Variants in SNTB1 observed in about 807,000 individuals in gnomAD.
SNTB1 encodes the protein syntrophin beta 1.
A neutral mutation model predicts 48.9 loss-of-function variants in SNTB1; 36 were observed. The observed-to-expected ratio is 0.74, with a 90% CI of 0.56 to 0.97. The LOEUF (loss-of-function observed/expected upper bound fraction) is 0.97, where lower values mean the gene tolerates loss of function less well. Among genes scored for constraint, SNTB1 ranks in the 50% least tolerant of loss-of-function variants. The pLI, the probability that SNTB1 is intolerant of heterozygous loss-of-function variation, is 0.00. For missense variants in SNTB1, 786 were observed against 703.4 expected, an observed-to-expected ratio of 1.12 and a Z score of -1.33; for synonymous variants, 299 against 294.6, an observed-to-expected ratio of 1.01 and a Z score of -0.15.
At chr8:120,557,352 A>G (rs1316318896) in intron 4 of SNTB1, among the ~76,000 whole-genome samples, 1 of 152,188 alleles carries the variant, frequency 6.6e-6, no homozygotes, top group Non-Finnish European at 1.5e-5. Flanking sequence ...AGAAAACCAT[A>G]CTTGGAGCAG....
intron 1 of SNTB1, among the ~76,000 whole-genome samples, chr8:120,760,020 G>T (rs1483952262): frequency 6.6e-6 from 1 of 152,152 alleles, no homozygotes; most frequent in African/African-American, 2.4e-5. Flanking sequence ...TACAGTCTCT[G>T]TCACAAATAC....
intron 2 of SNTB1, among the ~76,000 whole-genome samples, chr8:120,646,466 T>C (rs1182380027): frequency 6.7e-6 from 1 of 149,910 alleles, no homozygotes; most frequent in African/African-American, 2.4e-5. Flanking sequence ...CTGGATTACA[T>C]TTATTGATTT....
At chr8:120,670,689 C>T (rs1349400541) in intron 2 of SNTB1, among the ~76,000 whole-genome samples, 3 of 152,082 alleles carry the variant, frequency 2.0e-5, no homozygotes, top group African/African-American at 7.2e-5. Flanking sequence ...TAAATGAATC[C>T]TATGGACAAT....
chr8:120,580,637 G>A (rs537589055), intron 3 of SNTB1, among the ~76,000 whole-genome samples: 3 of 152,170 alleles, frequency 2.0e-5, no homozygotes, highest in Admixed American at 1.3e-4. Flanking sequence ...TGTTTATCTC[G>A]ACAACTTTTT....
chr8:120,668,854 G>A (rs971895404), intron 2 of SNTB1, among the ~76,000 whole-genome samples: 1 of 152,328 alleles, frequency 6.6e-6, no homozygotes, highest in East Asian at 1.9e-4. Context: ...ACTCTGGGGA[G>A]AAATACTTTA....
intron 3 of SNTB1, among the ~76,000 whole-genome samples, chr8:120,597,472 T>C (rs963752491): frequency 6.6e-6 from 1 of 152,366 alleles, no homozygotes. Context: ...CACACTCTTG[T>C]TCCATAGCCA....
chr8:120,697,584 A>C (rs1818232467), intron 1 of SNTB1, among the ~76,000 whole-genome samples: 1 of 152,210 alleles, frequency 6.6e-6, no homozygotes, highest in Non-Finnish European at 1.5e-5. Context: ...AATCAAATGC[A>C]AGTCCTTTCT....
At chr8:120,756,176 CCTTA>C (rs1216251331) in intron 1 of SNTB1, among the ~76,000 whole-genome samples, 1 of 152,154 alleles carries the variant, frequency 6.6e-6, no homozygotes, top group African/African-American at 2.4e-5. Flanking sequence ...TTTTCTCTTT[CCTTA>C]TTTGTTTTAA....
At chr8:120,811,157 C>G in intron 1 of SNTB1, 116 bp downstream of exon 1, 1 of 1,378,928 alleles carries the variant, frequency 7.3e-7, no homozygotes. Context: ...CACACACACC[C>G]GGCCCCCTGG....
intron 1 of SNTB1, among the ~76,000 whole-genome samples, chr8:120,732,475 T>C (rs1818868829): frequency 6.6e-6 from 1 of 152,242 alleles, no homozygotes. Context: ...CAGGTAATTA[T>C]ATCATTTACT....
chr8:120,677,240 A>G (rs1053857942), intron 2 of SNTB1, among the ~76,000 whole-genome samples: 2 of 152,128 alleles, frequency 1.3e-5, no homozygotes, highest in African/African-American at 2.4e-5. Flanking sequence ...CTTCTTTTCT[A>G]CATATCTGAC....
intron 1 of SNTB1, among the ~76,000 whole-genome samples, chr8:120,798,555 A>T (rs922700781): frequency 6.6e-6 from 1 of 152,078 alleles, no homozygotes; most frequent in African/African-American, 2.4e-5. Flanking sequence ...AGAAACCTTG[A>T]TGTACACAAT....
chr8:120,787,160 G>C (rs190519455), intron 1 of SNTB1, among the ~76,000 whole-genome samples: 1 of 151,982 alleles, frequency 6.6e-6, no homozygotes, highest in East Asian at 1.9e-4. Context: ...CTGAAGCTAG[G>C]TGACAATAAC....
At chr8:120,710,336 G>T (rs1386138888) in intron 1 of SNTB1, among the ~76,000 whole-genome samples, 2 of 152,172 alleles carry the variant, frequency 1.3e-5, no homozygotes, top group Non-Finnish European at 2.9e-5. Flanking sequence ...TGAGCTAAAA[G>T]ATCACAGACT....
chr8:120,598,537 A>G (rs772514899), intron 3 of SNTB1, among the ~76,000 whole-genome samples: 108 of 152,232 alleles, frequency 7.1e-4, no homozygotes, highest in Non-Finnish European at 1.4e-3. Flanking sequence ...CCAGGAGCTT[A>G]GAGTCTAGTG....
intron 2 of SNTB1, among the ~76,000 whole-genome samples, chr8:120,654,071 A>AAAAAT (rs1817457552): frequency 6.9e-6 from 1 of 144,012 alleles, no homozygotes; most frequent in Non-Finnish European, 1.5e-5. Context: ...AAAAAAAAAA[A>AAAAAT]GTTGTCTTCT....
intron 2 of SNTB1, among the ~76,000 whole-genome samples, chr8:120,655,514 A>G (rs1263177038): frequency 1.3e-5 from 2 of 152,208 alleles, no homozygotes; most frequent in Non-Finnish European, 2.9e-5. Context: ...TTAGTGGGGT[A>G]GCCCATCCTG....
At position 120,632,656 on chromosome 8, in the gene SNTB1, AG is replaced by A. The variant is rs1817004751; in HGVS notation, c.789-6del. The stretch of plus-strand genomic sequence containing the variant: ...GGAGAGTGGATTTCAAGCTGCCTAG[AG>A]GAGCACAGAGAGAAGGGTTAGAAAG... On this transcript the variant is annotated splice_polypyrimidine_tract_variant and splice_region_variant and intron_variant, in intron 2 of 6. Coordinates refer to ENST00000517992, the MANE Select transcript of SNTB1 (RefSeq NM_021021.4). 1 of 1,613,844 alleles carries A rather than the reference AG, an allele frequency of 6.2e-7. No individual in the cohort carries two copies. The highest frequency in any genetic ancestry group is 1.3e-5 in the African/African-American group (1 of 75,030).
intron 1 of SNTB1, among the ~76,000 whole-genome samples, chr8:120,719,403 T>C (rs1392720921): frequency 6.6e-6 from 1 of 152,220 alleles, no homozygotes; most frequent in East Asian, 1.9e-4. Context: ...GCTCCTCATC[T>C]TGCAGATGAC....
Sources: allele counts gnomAD v4.1 joint callset (sites outside exome capture counted in the v4.1 genomes callset), GRCh38; gene constraint gnomAD v4.1.1; transcripts MANE v1.5; gene names NCBI Gene and HGNC (gene_info 2026-07-23, HGNC 2026-07-21).